SEC61A2: variants seen among roughly 807,000 people sequenced by gnomAD.
SEC61A2 encodes the protein SEC61 translocon subunit alpha 2.
Under a neutral mutation model 59.9 loss-of-function variants are expected in SEC61A2, and 28 were observed. The observed-to-expected ratio is 0.47, with a 90% CI of 0.35 to 0.64. SEC61A2 has a LOEUF of 0.64. Ranked by LOEUF, SEC61A2 falls within the 30% of genes least tolerant of loss-of-function variation. The probability of loss-of-function intolerance (pLI) is 0.01; values close to 1 mark genes in which losing one functional copy is unlikely to be tolerated. For synonymous variants in SEC61A2, 202 were observed against 214.4 expected (o/e 0.94, Z 0.50); for missense variants, 340 against 585.9 (o/e 0.58, Z 4.33).
intron 1 of SEC61A2, among the ~76,000 whole-genome samples, chr10:12,131,894 AC>A (rs369570748): frequency 1 from 5,359 of 5,360 alleles, 2,679 homozygotes; most frequent in Non-Finnish European, 1. Context: ...ACGGGGGTTC[AC>A]CATGTTGGCC....
chr10:12,149,691 C>G lies in SEC61A2; in HGVS notation c.317C>G (p.Pro106Arg). ...AAAATCATTGAAGTTGGAGATACACCGAAAGATAGAGCTTTATTCAATGGA... is the reference window on the plus strand; with the variant it reads ...AAAATCATTGAAGTTGGAGATACACGGAAAGATAGAGCTTTATTCAATGGA... Reference protein sequence around the residue: ...GAKIIEVGDTPKDRALFNGAQ... With the variant: ...GAKIIEVGDTRKDRALFNGAQ... The change falls in exon 5 of 12, where the codon CCG becomes CGG. Residue 106 changes from proline to arginine, a missense_variant. Physicochemically the swap from Pro to Arg is moderately radical, Grantham distance 103. This residue lies in a region of SEC61A2 where 283 missense variants were observed against 483.2 expected (regional missense o/e 0.59). Coordinates refer to ENST00000298428, the MANE Select transcript of SEC61A2 (RefSeq NM_018144.4). This position sits in a 1 kb window ranked among gnomAD's most constrained non-coding sequence, Gnocchi z 5.2. The G allele has an allele frequency of 6.2e-7, 1 of 1,613,690 alleles. No individual in the cohort carries two copies. Among genetic ancestry groups the G allele is most frequent in the Non-Finnish European group, 8.5e-7 (1 of 1,179,894 alleles).
downstream of SEC61A2, chr10:12,167,003 A>T (rs1834714992): frequency 4.9e-6 from 1 of 205,936 alleles, no homozygotes; most frequent in South Asian, 6.7e-5. Flanking sequence ...GTACTCTTTG[A>T]GGTAAGAATA....
rs918155611 is a variant in SEC61A2 at position 12,149,368 on chromosome 10, C to T, written c.221-227C>T. ...CCTCCCAAAGTGTGGGGACTGCAGGCGTGAGCCACTGTGCCAAGCCTATAG... is the reference window on the plus strand; with the variant it reads ...CCTCCCAAAGTGTGGGGACTGCAGGTGTGAGCCACTGTGCCAAGCCTATAG... On this transcript the variant is annotated intron_variant, in intron 4 of 11. Transcript: ENST00000298428. This position sits in a 1 kb window ranked among gnomAD's most constrained non-coding sequence, Gnocchi z 5.2. Among the ~76,000 whole-genome samples the T allele has an allele frequency of 1.3e-5, 2 of 152,160 alleles. No homozygotes were observed. The highest frequency in any genetic ancestry group is 1.9e-4 in the East Asian group (1 of 5,198).
At chr10:12,169,371 G>C, downstream of SEC61A2, 1 of 1,311,110 alleles carries the variant, frequency 7.6e-7, no homozygotes, top group Non-Finnish European at 1.1e-6. This position sits in a 1 kb window ranked among gnomAD's most constrained non-coding sequence, Gnocchi z 4.8. Flanking sequence ...ACGTCACCCT[G>C]CTTTCCACGC....
At chr10:12,167,335 G>A (rs1834726826), downstream of SEC61A2, 1 of 178,770 alleles carries the variant, frequency 5.6e-6, no homozygotes, top group Non-Finnish European at 1.2e-5. Flanking sequence ...TTTTATATTG[G>A]GGGTTGAGAG....
rs1564404208 is a variant in SEC61A2, at chr10:12,129,755, GCGGTTTC to G, written c.-31_-25del. The G allele has an allele frequency of 6.7e-7, 1 of 1,488,840 alleles. No individual in the cohort carries two copies. The highest frequency in any genetic ancestry group is 1.3e-5 in the South Asian group (1 of 79,174). 92.2% of individuals were successfully genotyped at this position (1,488,840 alleles called of 1,614,324 possible). ...GTCGAGCGAAGGCAGCGCCGAGGCCGCGGTTTCCCCCTGGGCCTCCCCAGCAGCAGCC... is the reference window on the plus strand; with the variant it reads ...GTCGAGCGAAGGCAGCGCCGAGGCCGCCCCTGGGCCTCCCCAGCAGCAGCC... On this transcript the variant is annotated 5_prime_UTR_variant, in exon 1 of 12. Coordinates refer to ENST00000298428, the MANE Select transcript of SEC61A2 (RefSeq NM_018144.4). The surrounding 1 kb of genome is among the most constrained non-coding windows in gnomAD (Gnocchi z 5.6).
In SEC61A2 at chr10:12,140,413, T is replaced by A. The variant is rs532321065; in HGVS notation, c.142-2704T>A. Among the ~76,000 whole-genome samples, 71 of 152,200 alleles carry A rather than the reference T, an allele frequency of 4.7e-4. 1 individual carries two copies. The highest frequency in any genetic ancestry group is 9.0e-4 in the Non-Finnish European group (61 of 68,042). ...GCTCCTATTGTTGCCCACCTGTTGT[T>A]GTACATGATCCTCTAGCTATGGAAT... On this transcript the variant is annotated intron_variant, in intron 3 of 11. Coordinates refer to ENST00000298428, the MANE Select transcript of SEC61A2 (RefSeq NM_018144.4).
rs1834225824 is a variant in SEC61A2, at chr10:12,149,425, G to A, written c.221-170G>A. On this transcript the variant is annotated intron_variant, in intron 4 of 11. Transcript: ENST00000298428. The surrounding 1 kb of genome is among the most constrained non-coding windows in gnomAD (Gnocchi z 5.2). ...TTATTCAGGGCATTGCTGCAGGATT[G>A]TGTTAATAAATGAGAACTTTTCTTA... is the stretch of plus-strand genomic sequence containing the variant. Among the ~76,000 whole-genome samples, 1 of 152,176 alleles carries A rather than the reference G, an allele frequency of 6.6e-6. No individual in the cohort carries two copies. The highest frequency in any genetic ancestry group is 2.1e-4 in the South Asian group (1 of 4,832).
At position 12,153,895 on chromosome 10, in the gene SEC61A2, T is replaced by C. The variant is rs1405360992; in HGVS notation, c.463-1883T>C. 3 of 1,292,564 alleles carry C rather than the reference T, an allele frequency of 2.3e-6. No homozygotes were observed. Among genetic ancestry groups the C allele is most frequent in the Admixed American group, 3.1e-5 (1 of 32,554 alleles). The allele number at this position is 1,292,564 out of a possible 1,614,324, so 80.1% of individuals were successfully genotyped here. Reference sequence around the variant, plus strand: ...TGTTTCATTCACGTGGTTAGTGTTTTTCAGCTAGTGAGTTTAGAAATCTAC... The same window carrying C: ...TGTTTCATTCACGTGGTTAGTGTTTCTCAGCTAGTGAGTTTAGAAATCTAC... On this transcript the variant is annotated intron_variant, in intron 6 of 11. Transcript: ENST00000298428. The surrounding 1 kb of genome is among the most constrained non-coding windows in gnomAD (Gnocchi z 5.2).
chr10:12,132,580 C>A (rs1329971242), intron 1 of SEC61A2, among the ~76,000 whole-genome samples: 2 of 148,986 alleles, frequency 1.3e-5, no homozygotes, highest in Admixed American at 6.8e-5. Context: ...TGCCGCTGAA[C>A]TGCAGCCTGG....
Position 12,165,188 on chromosome 10 carries a change from G to T in SEC61A2, c.*734G>T. On this transcript the variant is annotated 3_prime_UTR_variant, in exon 12 of 12. Coordinates refer to ENST00000298428, the MANE Select transcript of SEC61A2 (RefSeq NM_018144.4). ...TTGAGAATATTCTTTCAAGATTCTG[G>T]GCCCCGATTCTTTTCTGTTTAAATC... 1.0e-6 allele frequency: 1 copy of T among 985,262 alleles called. No homozygotes were observed. The highest frequency in any genetic ancestry group is 1.2e-6 in the Non-Finnish European group (1 of 829,908). 61.0% of individuals were successfully genotyped at this position (985,262 alleles called of 1,614,324 possible).
In SEC61A2 at chr10:12,129,742, C is replaced by T. The variant is rs1383417422; in HGVS notation, c.-46C>T. ...CCGAGCCGCGGGAGTCGAGCGAAGGCAGCGCCGAGGCCGCGGTTTCCCCCT... is the reference window on the plus strand; with the variant it reads ...CCGAGCCGCGGGAGTCGAGCGAAGGTAGCGCCGAGGCCGCGGTTTCCCCCT... On this transcript the variant is annotated 5_prime_UTR_variant, in exon 1 of 12. Transcript: ENST00000298428. This position sits in a 1 kb window ranked among gnomAD's most constrained non-coding sequence, Gnocchi z 5.6. The T allele has an allele frequency of 1.3e-6, 2 of 1,486,660 alleles. No homozygotes were observed. Among genetic ancestry groups the T allele is most frequent in the Non-Finnish European group, 1.8e-6 (2 of 1,123,378 alleles). 92.1% of individuals were successfully genotyped at this position (1,486,660 alleles called of 1,614,324 possible).
rs146254054 is a variant in SEC61A2, at chr10:12,159,857, T to A, written c.976-1073T>A. Among the ~76,000 whole-genome samples, 453 of 152,188 alleles carry A rather than the reference T, an allele frequency of 3.0e-3. 6 individuals carry two copies. The highest frequency in any genetic ancestry group is 0.011 in the African/African-American group (437 of 41,548). ...ATATGCTTTTTTTTTGCATTATAAG[T>A]TACAAAGACTCATACCTTTCTGCTT... On this transcript the variant is annotated intron_variant, in intron 9 of 11. Coordinates refer to ENST00000298428, the MANE Select transcript of SEC61A2 (RefSeq NM_018144.4).
chr10:12,136,074 G>T, intron 2 of SEC61A2, 31 bp from the exon 3 acceptor site: 1 of 1,517,600 alleles, frequency 6.6e-7, no homozygotes, highest in South Asian at 1.1e-5. Flanking sequence ...TCTTGGTTTT[G>T]ATTGATGATT....
downstream of SEC61A2, among the ~76,000 whole-genome samples, chr10:12,168,507 T>C (rs949853409): frequency 6.6e-6 from 1 of 152,182 alleles, no homozygotes; most frequent in Non-Finnish European, 1.5e-5. The surrounding 1 kb of genome is among the most constrained non-coding windows in gnomAD (Gnocchi z 4.8). Flanking sequence ...CAAGTTAAAC[T>C]GTGTGCATGT....
intron 11 of SEC61A2, among the ~76,000 whole-genome samples, chr10:12,163,308 CTAGCTTT>C (rs1341943859): frequency 2.2e-5 from 3 of 136,608 alleles, no homozygotes; most frequent in Admixed American, 1.7e-4. Flanking sequence ...CCACGGCCAG[CTAGCTTT>C]TTTTTTTTTT....
chr10:12,155,454 G>A lies in SEC61A2; in HGVS notation c.463-324G>A. The A allele has an allele frequency of 9.3e-7, 1 of 1,075,316 alleles. No homozygotes were observed. Among genetic ancestry groups the A allele is most frequent in the African/African-American group, 1.6e-5 (1 of 62,690 alleles). The allele number at this position is 1,075,316 out of a possible 1,614,324, so 66.6% of individuals were successfully genotyped here. A position where few individuals can be genotyped will look rare whatever the true frequency, so the allele number is the denominator to read the frequency against. On this transcript the variant is annotated intron_variant, in intron 6 of 11. Coordinates refer to ENST00000298428, the MANE Select transcript of SEC61A2 (RefSeq NM_018144.4). This position sits in a 1 kb window ranked among gnomAD's most constrained non-coding sequence, Gnocchi z 4.3. ...TTGCTGTCATAAATTCTAGAATACT[G>A]TGATCATTTTTTGTTTCAGTGTGCT...
At chr10:12,148,684 C>T (rs576148456) in intron 4 of SEC61A2, among the ~76,000 whole-genome samples, 11 of 151,758 alleles carry the variant, frequency 7.2e-5, no homozygotes, top group South Asian at 4.2e-4. Context: ...GGACTACAGG[C>T]GCACGCCACC....
Position 12,129,771 on chromosome 10 carries a change from C to T in SEC61A2, c.-17C>T, listed in dbSNP as rs1833683744. ...GCCGAGGCCGCGGTTTCCCCCTGGG[C>T]CTCCCCAGCAGCAGCCATGGGCAGT... is the stretch of plus-strand genomic sequence containing the variant. On this transcript the variant is annotated 5_prime_UTR_variant, in exon 1 of 12. Transcript: ENST00000298428. This position sits in a 1 kb window ranked among gnomAD's most constrained non-coding sequence, Gnocchi z 5.6. 6.7e-7 allele frequency: 1 copy of T among 1,487,914 alleles called. No individual in the cohort carries two copies. 92.2% of individuals were successfully genotyped at this position (1,487,914 alleles called of 1,614,324 possible).
Sources: allele counts gnomAD v4.1 joint callset (sites outside exome capture counted in the v4.1 genomes callset), GRCh38; gene constraint gnomAD v4.1.1; regional missense constraint gnomAD v4.1.1; non-coding constraint Gnocchi (gnomAD v3.1); transcripts MANE v1.5; gene names NCBI Gene and HGNC (gene_info 2026-07-23, HGNC 2026-07-21).